The following MAMDC2 variants were observed in gnomAD, a reference collection of about 807,000 sequenced individuals.
The protein encoded by MAMDC2 is MAM domain containing 2.
A neutral mutation model predicts 89.8 loss-of-function variants in MAMDC2; 57 were observed. The observed-to-expected ratio is 0.63, with a 90% CI of 0.51 to 0.79. The LOEUF is 0.79. Ranked by LOEUF, MAMDC2 falls within the 30% of genes least tolerant of loss-of-function variation. The pLI, the probability that MAMDC2 is intolerant of heterozygous loss-of-function variation, is 0.00. For missense variants in MAMDC2, 800 were observed against 820.6 expected (o/e 0.97, Z 0.31); for synonymous variants, 313 against 293.4 (o/e 1.07, Z -0.68).
chr9:70,115,826 G>T (rs10780811), intron 5 of MAMDC2, among the ~76,000 whole-genome samples: 3 of 151,932 alleles, frequency 2.0e-5, no homozygotes, highest in African/African-American at 7.3e-5. Flanking sequence ...AGACAGTTGG[G>T]TTAACTCAAA....
At chr9:70,218,243 T>A (rs1022402761) in intron 11 of MAMDC2, 94 bp from the exon 12 acceptor site, 15 of 1,360,352 alleles carry the variant, frequency 1.1e-5, no homozygotes, top group Non-Finnish European at 1.5e-5. Context: ...TTTAGTCAGA[T>A]CATCTTGACT....
At chr9:70,051,885 A>ATAGC (rs1472284376) in intron 2 of MAMDC2, among the ~76,000 whole-genome samples, 2 of 127,314 alleles carry the variant, frequency 1.6e-5, no homozygotes, top group Non-Finnish European at 3.4e-5. Context: ...ATCTAGATAG[A>ATAGC]TAGAGATAGA....
intron 4 of MAMDC2, among the ~76,000 whole-genome samples, chr9:70,111,818 A>G (rs1334071180): frequency 6.6e-6 from 1 of 152,188 alleles, no homozygotes; most frequent in East Asian, 1.9e-4. Flanking sequence ...TGGTAAAGGA[A>G]GCCAGCAAGG....
chr9:70,202,992 A>C (rs1336827467), intron 11 of MAMDC2, among the ~76,000 whole-genome samples: 1 of 151,792 alleles, frequency 6.6e-6, no homozygotes, highest in South Asian at 2.1e-4. Context: ...ACACTGATGG[A>C]TCTTGACTCT....
At chr9:70,195,169 CTT>C (rs2032953992) in intron 11 of MAMDC2, among the ~76,000 whole-genome samples, 1 of 152,036 alleles carries the variant, frequency 6.6e-6, no homozygotes. Flanking sequence ...ATCACAAAAA[CTT>C]TTGTATGACT....
intron 11 of MAMDC2, among the ~76,000 whole-genome samples, chr9:70,215,304 C>T (rs1362433496): frequency 1.3e-5 from 2 of 152,112 alleles, no homozygotes; most frequent in African/African-American, 2.4e-5. Context: ...CACTCGAGTT[C>T]GTAATGAGGA....
Position 70,126,289 on chromosome 9 carries a change from C to A in MAMDC2, c.774C>A (p.Asp258Glu). The change falls in exon 6 of 14, where the codon GAC (aspartate) becomes GAA (glutamate). Residue 258 changes from aspartate (D) to glutamate (E), a missense_variant. Physicochemically the swap from Asp to Glu is conservative, Grantham distance 45. Transcript: ENST00000377182. ...ATTACCAGATCCAGCAGGGGAATGA[C>A]AATGTCTTTTCCCTTTACACTCGGG... is the stretch of plus-strand genomic sequence containing the variant. ...SFYYQIQQGN[D>E]NVFSLYTRDV... is the part of the protein sequence containing the mutation. 6.2e-7 allele frequency: 1 copy of A among 1,614,188 alleles called. No homozygotes were observed. Among genetic ancestry groups the A allele is most frequent in the Non-Finnish European group, 8.5e-7 (1 of 1,180,032 alleles).
intron 9 of MAMDC2, among the ~76,000 whole-genome samples, chr9:70,164,752 G>C: frequency 6.6e-6 from 1 of 151,718 alleles, no homozygotes; most frequent in African/African-American, 2.4e-5. Context: ...GGGTTCAAGA[G>C]AGCTTCCCGC....
chr9:70,214,405 C>A (rs2118676773), intron 11 of MAMDC2, among the ~76,000 whole-genome samples: 1 of 152,284 alleles, frequency 6.6e-6, no homozygotes, highest in South Asian at 2.1e-4. Flanking sequence ...AGGAATAATA[C>A]AAAGGCCAGT....
chr9:70,126,110 T>TCCCCCCCCCCC, intron 5 of MAMDC2, 49 bp from the exon 6 acceptor site: 2 of 1,004,982 alleles, frequency 2.0e-6, no homozygotes, highest in South Asian at 1.5e-5. Context: ...CCTCTTCCCC[T>TCCCCCCCCCCC]CCCCCACCCC....
chr9:70,210,221 T>C (rs2033323024), intron 11 of MAMDC2, among the ~76,000 whole-genome samples: 1 of 152,218 alleles, frequency 6.6e-6, no homozygotes, highest in African/African-American at 2.4e-5. Flanking sequence ...ATCTGTCTAA[T>C]GTTGACAGTG....
At chr9:70,095,488 G>A (rs977315953) in intron 2 of MAMDC2, among the ~76,000 whole-genome samples, 2 of 152,192 alleles carry the variant, frequency 1.3e-5, no homozygotes, top group Non-Finnish European at 2.9e-5. Context: ...GAATTTTGGA[G>A]GGAGATGGAG....
intron 9 of MAMDC2, among the ~76,000 whole-genome samples, chr9:70,157,091 A>G (rs982308370): frequency 2.0e-5 from 3 of 152,250 alleles, no homozygotes; most frequent in Non-Finnish European, 4.4e-5. Flanking sequence ...TTTTACTAAT[A>G]AGCTTAATTA....
intron 9 of MAMDC2, among the ~76,000 whole-genome samples, chr9:70,155,736 C>T (rs1462083374): frequency 1.3e-5 from 2 of 152,196 alleles, no homozygotes; most frequent in African/African-American, 4.8e-5. Flanking sequence ...AAATCCTTGT[C>T]TTCTGCCCTC....
At chr9:70,044,542 T>C in intron 1 of MAMDC2, 42 bp from the exon 2 acceptor site, 1 of 1,493,774 alleles carries the variant, frequency 6.7e-7, no homozygotes, top group Non-Finnish European at 9.1e-7. Context: ...GTGCAAAGGC[T>C]CCTGGGTGGA....
intron 9 of MAMDC2, among the ~76,000 whole-genome samples, chr9:70,144,808 A>G (rs1169485714): frequency 6.6e-6 from 1 of 152,198 alleles, no homozygotes; most frequent in Admixed American, 6.5e-5. Flanking sequence ...TCATAGCCCG[A>G]ACTTCTCTTG....
At chr9:70,046,404 C>G (rs544348202) in intron 2 of MAMDC2, among the ~76,000 whole-genome samples, 2 of 152,310 alleles carry the variant, frequency 1.3e-5, no homozygotes, top group South Asian at 2.1e-4. Flanking sequence ...AGTCTTGTTC[C>G]CTAAGCACTT....
chr9:70,209,757 C>G (rs1338804701), intron 11 of MAMDC2, among the ~76,000 whole-genome samples: 1 of 152,156 alleles, frequency 6.6e-6, no homozygotes, highest in Non-Finnish European at 1.5e-5. Context: ...TTCCTGCTTT[C>G]TCTTGTGGGC....
At chr9:70,105,229 T>C (rs141567415) in intron 2 of MAMDC2, among the ~76,000 whole-genome samples, 5 of 152,226 alleles carry the variant, frequency 3.3e-5, no homozygotes, top group Admixed American at 6.5e-5. Flanking sequence ...CCACAAAATA[T>C]ACCCCTACAC....
Sources: gnomAD v4.1 joint callset for allele counts (sites outside exome capture counted in the v4.1 genomes callset) on GRCh38, gnomAD v4.1.1 for gene constraint, MANE v1.5 for transcripts, NCBI Gene and HGNC (gene_info 2026-07-23, HGNC 2026-07-21) for gene names.